The following MYO10 variants were observed in gnomAD, a reference collection of about 807,000 sequenced individuals.
The protein encoded by MYO10 is myosin X.
MYO10 carries 133 observed loss-of-function variants against 257.3 expected under a neutral mutation model. The observed-to-expected ratio is 0.52, with a 90% CI of 0.45 to 0.60. MYO10 has a LOEUF of 0.60. Among genes scored for constraint, MYO10 ranks in the 20% least tolerant of loss-of-function variants. MYO10 has a pLI of 0.00. For missense variants in MYO10, 2,399 were observed against 2,635.7 expected (o/e 0.91, Z 1.97); for synonymous variants, 1,104 against 1,028.6 (o/e 1.07, Z -1.40).
At chr5:16,892,569 G>A (rs1228599764) in intron 1 of MYO10, among the ~76,000 whole-genome samples, 1 of 152,230 alleles carries the variant, frequency 6.6e-6, no homozygotes, top group Non-Finnish European at 1.5e-5. Flanking sequence ...CCTGAACCAA[G>A]GAGGCGGAAG....
intron 1 of MYO10, among the ~76,000 whole-genome samples, chr5:16,915,879 C>G (rs1279480865): frequency 1.3e-5 from 2 of 151,804 alleles, no homozygotes; most frequent in Non-Finnish European, 2.9e-5. Context: ...ATTGCTTGAA[C>G]CCAGGAGGCA....
At chr5:16,742,426 C>T (rs959153284) in intron 19 of MYO10, among the ~76,000 whole-genome samples, 9 of 152,160 alleles carry the variant, frequency 5.9e-5, no homozygotes, top group African/African-American at 2.2e-4. Flanking sequence ...CAGCTTTTTA[C>T]AGGTCTTCTA....
At chr5:16,754,733 G>A (rs1195071291) in intron 19 of MYO10, 95 bp downstream of exon 19, 6 of 781,714 alleles carry the variant, frequency 7.7e-6, no homozygotes, top group Non-Finnish European at 9.9e-6. Context: ...CATCTACAAT[G>A]AAAGGACTTT....
chr5:16,921,730 G>C (rs1745992096), intron 1 of MYO10, among the ~76,000 whole-genome samples: 1 of 152,006 alleles, frequency 6.6e-6, no homozygotes, highest in Non-Finnish European at 1.5e-5. Flanking sequence ...ACATGATACA[G>C]TTGTTCTCAA....
At chr5:16,875,467 G>A (rs1744574991) in intron 2 of MYO10, among the ~76,000 whole-genome samples, 1 of 152,094 alleles carries the variant, frequency 6.6e-6, no homozygotes, top group Non-Finnish European at 1.5e-5. Context: ...TATACTACCC[G>A]AGACTCTGAT....
chr5:16,863,064 A>G (rs2126747527), intron 2 of MYO10, among the ~76,000 whole-genome samples: 1 of 152,318 alleles, frequency 6.6e-6, no homozygotes, highest in East Asian at 1.9e-4. Flanking sequence ...GGTGTAGTCT[A>G]CAGACCCAGG....
At position 16,668,271 on chromosome 5, in the gene MYO10, T is replaced by A. The variant is rs371799178; in HGVS notation, c.6075+6A>T. 7.5e-6 allele frequency: 12 copies of A among 1,606,234 alleles called. No individual in the cohort carries two copies. The African/African-American group carries it at 1.5e-4, about 20-fold the overall frequency. On this transcript the variant is annotated splice_donor_region_variant and intron_variant, in intron 40 of 40. Transcript: ENST00000513610. ...AATAAAAAGATGAACTTGCTTTGCC[T>A]CTTACCTCACTGGTTTCAAAGAGCA...
At chr5:16,795,688 T>C (rs544488389) in intron 3 of MYO10, among the ~76,000 whole-genome samples, 4 of 152,188 alleles carry the variant, frequency 2.6e-5, no homozygotes, top group Non-Finnish European at 5.9e-5. Context: ...TTAATTTTTT[T>C]TGTAGAGACA....
In MYO10 at chr5:16,794,664, T is replaced by C. The variant is rs749138635; in HGVS notation, c.449A>G (p.Asn150Ser). Residue 150 changes from asparagine to serine, a missense_variant, in exon 4 of 41, where the codon AAC (asparagine) becomes AGC (serine). Coordinates refer to ENST00000513610, the MANE Select transcript of MYO10 (RefSeq NM_012334.3). ...CYRCLWKRHD[N>S]QCILISGESG... ...CCGTTACCTGATGAGGATGCACTGG[T>C]TGTCGTGGCGCTTCCACAGGCAGCG... is the stretch of plus-strand genomic sequence containing the variant. 1.3e-5 allele frequency: 21 copies of C among 1,611,346 alleles called. No homozygotes were observed. The highest frequency in any genetic ancestry group is 1.6e-5 in the Non-Finnish European group (19 of 1,178,772).
chr5:16,928,295 A>G (rs1394216450), intron 1 of MYO10, among the ~76,000 whole-genome samples: 1 of 152,030 alleles, frequency 6.6e-6, no homozygotes, highest in African/African-American at 2.4e-5. Flanking sequence ...CCCGGATTCA[A>G]CCGATTCTCC....
chr5:16,834,711 A>G (rs1463808149), intron 2 of MYO10, among the ~76,000 whole-genome samples: 2 of 152,246 alleles, frequency 1.3e-5, no homozygotes, highest in Non-Finnish European at 2.9e-5. Flanking sequence ...ATAATAGGAC[A>G]GTAATTCCTT....
intron 5 of MYO10, among the ~76,000 whole-genome samples, chr5:16,782,579 T>A (rs187400236): frequency 6.6e-6 from 1 of 152,340 alleles, no homozygotes; most frequent in Admixed American, 6.5e-5. Flanking sequence ...AGGTATATTT[T>A]ACCACGATTT....
Position 16,701,341 on chromosome 5 carries a change from C to T in MYO10, c.3054G>A (p.Gln1018=), listed in dbSNP as rs1298100075. The change falls in exon 25 of 41, where the codon CAG becomes CAA. Residue 1018 remains glutamine, a synonymous_variant. Coordinates refer to ENST00000513610, the MANE Select transcript of MYO10 (RefSeq NM_012334.3). This position sits in a 1 kb window ranked among gnomAD's most constrained non-coding sequence, Gnocchi z 8.1. ...CGCTGGTCCGGATGCCACTTGTTCG[C>T]TGGTCTGAGTGGCCGTGCTCGCTGG... The part of the protein sequence containing the change: ...PNPSEHGHSD[Q]RTSGIRTSDD... 2.5e-6 allele frequency: 4 copies of T among 1,613,788 alleles called. No individual in the cohort carries two copies. The Admixed American group carries it at 6.7e-5, about 27-fold the overall frequency.
intron 28 of MYO10, among the ~76,000 whole-genome samples, chr5:16,689,588 G>A (rs1231390171): frequency 6.6e-6 from 1 of 151,834 alleles, no homozygotes; most frequent in Non-Finnish European, 1.5e-5. Context: ...CAATGGATCT[G>A]TCTAGTGGCA....
At chr5:16,914,336 G>A (rs1204015676) in intron 1 of MYO10, among the ~76,000 whole-genome samples, 1 of 152,164 alleles carries the variant, frequency 6.6e-6, no homozygotes, top group Non-Finnish European at 1.5e-5. Flanking sequence ...AACTTCCCAA[G>A]GACCTTCAGG....
chr5:16,669,295 C>G (rs1393651276), intron 39 of MYO10, among the ~76,000 whole-genome samples: 1 of 152,002 alleles, frequency 6.6e-6, no homozygotes, highest in Non-Finnish European at 1.5e-5. Context: ...CTCACTGCAA[C>G]CTCCACCTCC....
At position 16,902,600 on chromosome 5, in the gene MYO10, G is replaced by A. The variant is rs537202986; in HGVS notation, c.22-24893C>T. On this transcript the variant is annotated intron_variant, in intron 1 of 40. Transcript: ENST00000513610. Reference sequence around the variant, plus strand: ...AGCGAATAGGCTGCACGTGGCCGCGGCCCTTTTTGGCACGACCATTGTTCC... The same window carrying A: ...AGCGAATAGGCTGCACGTGGCCGCGACCCTTTTTGGCACGACCATTGTTCC... 28 of 1,561,860 alleles carry A rather than the reference G, an allele frequency of 1.8e-5. No individual in the cohort carries two copies. The African/African-American group carries it at 2.7e-4, about 15-fold the overall frequency.
At chr5:16,748,633 G>A (rs867518153) in intron 19 of MYO10, among the ~76,000 whole-genome samples, 2 of 148,050 alleles carry the variant, frequency 1.4e-5, no homozygotes, top group African/African-American at 2.6e-5. Flanking sequence ...AGGGAGGGAG[G>A]GAGGGAGGGA....
chr5:16,710,819 T>C (rs1268514965), intron 21 of MYO10, 89 bp downstream of exon 21: 3 of 1,058,994 alleles, frequency 2.8e-6, no homozygotes, highest in Admixed American at 2.0e-5. Flanking sequence ...AACAATTGTA[T>C]AGCGGTGTCA....
Sources: gnomAD v4.1 joint callset for allele counts (sites outside exome capture counted in the v4.1 genomes callset) on GRCh38, gnomAD v4.1.1 for gene constraint, Gnocchi (gnomAD v3.1) non-coding constraint, MANE v1.5 for transcripts, NCBI Gene and HGNC (gene_info 2026-07-23, HGNC 2026-07-21) for gene names.